KCNQ5: variants seen among roughly 807,000 people sequenced by gnomAD.
KCNQ5 encodes the protein potassium voltage-gated channel subfamily Q member 5, also known as potassium voltage-gated channel subfamily KQT member 5.
Under a neutral mutation model 98.2 loss-of-function variants are expected in KCNQ5, and 30 were observed. That is an observed-to-expected ratio of 0.31 (90% CI 0.23 to 0.41). The LOEUF (loss-of-function observed/expected upper bound fraction) is 0.41. Ranked by LOEUF, KCNQ5 falls within the 10% of genes least tolerant of loss-of-function variation. The pLI, the probability that KCNQ5 is intolerant of heterozygous loss-of-function variation, is 1.00. For synonymous variants in KCNQ5, 458 were observed against 449.4 expected, an observed-to-expected ratio of 1.02 and a Z score of -0.24; for missense variants, 835 against 1,182.5, an observed-to-expected ratio of 0.71 and a Z score of 4.31.
Position 72,886,512 on chromosome 6 carries a change from A to G in KCNQ5, c.399-117396A>G, listed in dbSNP as rs1205657727. ...AGAATACAGAATTATAAAGAAAAGGAAATATTTTAGAATATGATTATTAAG... is the reference window on the plus strand; with the variant it reads ...AGAATACAGAATTATAAAGAAAAGGGAATATTTTAGAATATGATTATTAAG... On this transcript the variant is annotated intron_variant, in intron 1 of 13. Coordinates refer to ENST00000370398, the MANE Select transcript of KCNQ5 (RefSeq NM_019842.4). 2.6e-5 allele frequency among the ~76,000 whole-genome samples: 4 copies of G among 152,316 alleles called. No individual in the cohort carries two copies. The East Asian group carries it at 7.7e-4, about 29-fold the overall frequency.
chr6:73,044,410 A>G (rs1393863610), intron 3 of KCNQ5, among the ~76,000 whole-genome samples: 1 of 152,262 alleles, frequency 6.6e-6, no homozygotes, highest in African/African-American at 2.4e-5. Context: ...GGATAAATAT[A>G]TAATGAATCC....
intron 1 of KCNQ5, among the ~76,000 whole-genome samples, chr6:72,962,802 C>G (rs1238947575): frequency 1.3e-5 from 2 of 152,170 alleles, no homozygotes; most frequent in East Asian, 3.9e-4. Flanking sequence ...ACTTGCTTCT[C>G]AAGGCCACAC....
chr6:72,750,142 A>G (rs1771604015), intron 1 of KCNQ5, among the ~76,000 whole-genome samples: 1 of 152,066 alleles, frequency 6.6e-6, no homozygotes, highest in South Asian at 2.1e-4. Context: ...AGAAGCAAAT[A>G]ATCTGGCCAC....
intron 11 of KCNQ5, among the ~76,000 whole-genome samples, chr6:73,175,357 T>C (rs1011581157): frequency 7.3e-5 from 11 of 151,684 alleles, no homozygotes; most frequent in African/African-American, 2.2e-4. Flanking sequence ...TCCATGTTGG[T>C]CAGGCTGGTC....
At chr6:72,754,686 A>G (rs1469741086) in intron 1 of KCNQ5, among the ~76,000 whole-genome samples, 4 of 151,894 alleles carry the variant, frequency 2.6e-5, no homozygotes, top group Non-Finnish European at 5.9e-5. Flanking sequence ...AAAAATTTTA[A>G]ATTTGTTCAG....
intron 3 of KCNQ5, among the ~76,000 whole-genome samples, chr6:73,063,728 TAGATA>T (rs1488788479): frequency 2.6e-4 from 31 of 120,800 alleles, no homozygotes; most frequent in African/African-American, 7.8e-4. Flanking sequence ...AGATGATAGA[TAGATA>T]GATAGATAGA....
intron 11 of KCNQ5, among the ~76,000 whole-genome samples, chr6:73,179,760 A>G (rs1426130401): frequency 6.6e-6 from 1 of 152,132 alleles, no homozygotes; most frequent in Non-Finnish European, 1.5e-5. Context: ...TCTCCTCCAG[A>G]AATCATTTCT....
intron 1 of KCNQ5, among the ~76,000 whole-genome samples, chr6:72,706,831 G>C (rs1381403666): frequency 6.6e-6 from 1 of 152,106 alleles, no homozygotes; most frequent in Non-Finnish European, 1.5e-5. Flanking sequence ...TGATTAAAAA[G>C]TATCATCTTT....
chr6:72,988,375 G>A (rs920100008), intron 1 of KCNQ5, among the ~76,000 whole-genome samples: 1 of 152,078 alleles, frequency 6.6e-6, no homozygotes. Context: ...GAAACTGGAG[G>A]CCAAAGTCCT....
chr6:72,628,905 A>G (rs1582003430), intron 1 of KCNQ5, among the ~76,000 whole-genome samples: 1 of 152,208 alleles, frequency 6.6e-6, no homozygotes, highest in East Asian at 1.9e-4. Context: ...GAGCCACCAC[A>G]CCTGGCCCAA....
chr6:72,818,966 A>T (rs935297989), intron 1 of KCNQ5, among the ~76,000 whole-genome samples: 1 of 151,864 alleles, frequency 6.6e-6, no homozygotes, highest in Non-Finnish European at 1.5e-5. Flanking sequence ...CATGCTCTGA[A>T]AAAAGAGTTA....
intron 3 of KCNQ5, among the ~76,000 whole-genome samples, chr6:73,051,994 CA>C (rs1772265371): frequency 6.6e-6 from 1 of 152,084 alleles, no homozygotes; most frequent in African/African-American, 2.4e-5. Context: ...AGGATTACAA[CA>C]AAGTGATACA....
At chr6:72,840,476 C>T (rs917773239) in intron 1 of KCNQ5, among the ~76,000 whole-genome samples, 12 of 152,170 alleles carry the variant, frequency 7.9e-5, no homozygotes, top group African/African-American at 2.9e-4. Flanking sequence ...AGCTCACTCT[C>T]CAGTGGCTCT....
intron 12 of KCNQ5, 128 bp from the exon 13 acceptor site, chr6:73,192,437 C>G: frequency 1.3e-6 from 1 of 791,238 alleles, no homozygotes; most frequent in Middle Eastern, 4.0e-4. Context: ...GGAACAAGTT[C>G]TTTCTTATTT....
At chr6:72,707,992 T>C (rs1415736896) in intron 1 of KCNQ5, among the ~76,000 whole-genome samples, 1 of 152,188 alleles carries the variant, frequency 6.6e-6, no homozygotes, top group Non-Finnish European at 1.5e-5. Flanking sequence ...CCAGAATGTC[T>C]TGATGAAATC....
chr6:72,993,309 GAT>G (rs1242757420), intron 1 of KCNQ5, among the ~76,000 whole-genome samples: 1 of 6,646 alleles, frequency 1.5e-4, no homozygotes, highest in Non-Finnish European at 2.3e-4. Context: ...ATCAGACGTA[GAT>G]TTGGTCTTTT....
chr6:72,943,105 C>A (rs1199411384), intron 1 of KCNQ5, among the ~76,000 whole-genome samples: 1 of 152,190 alleles, frequency 6.6e-6, no homozygotes, highest in African/African-American at 2.4e-5. Flanking sequence ...ATGTAGCCTG[C>A]ACTGTTAGTA....
chr6:72,710,896 T>C (rs889687018), intron 1 of KCNQ5, among the ~76,000 whole-genome samples: 10 of 152,158 alleles, frequency 6.6e-5, no homozygotes, highest in African/African-American at 2.2e-4. Context: ...TATACATTCT[T>C]CTGAAGTATA....
chr6:73,175,781 A>G (rs1475271143), intron 11 of KCNQ5, among the ~76,000 whole-genome samples: 1 of 152,246 alleles, frequency 6.6e-6, no homozygotes, highest in Non-Finnish European at 1.5e-5. Context: ...CCAGAAAAGT[A>G]GAGTCAATTA....
Sources: allele counts gnomAD v4.1 joint callset (sites outside exome capture counted in the v4.1 genomes callset), GRCh38; gene constraint gnomAD v4.1.1; transcripts MANE v1.5; gene names NCBI Gene and HGNC (gene_info 2026-07-23, HGNC 2026-07-21).